Variants in FDX2 observed in about 807,000 individuals in gnomAD.
FDX2 encodes ferredoxin 2, also known as ferredoxin-2, mitochondrial.
FDX2 carries 13 observed loss-of-function variants against 18.5 expected under a neutral mutation model. The ratio of observed to expected loss-of-function variants is 0.70; its 90% confidence interval spans 0.46 to 1.12. The LOEUF is 1.12. Ranked by LOEUF, FDX2 falls within the 50% of genes most tolerant of loss-of-function variation. The probability of loss-of-function intolerance (pLI) is 0.00; values close to 1 mark genes in which losing one functional copy is unlikely to be tolerated. For missense variants in FDX2, 238 were observed against 250.4 expected, an observed-to-expected ratio of 0.95 and a Z score of 0.34; for synonymous variants, 132 against 106.2, an observed-to-expected ratio of 1.24 and a Z score of -1.49.
At chr19:10,315,362 T>G (rs1343812482) in intron 3 of FDX2, 24 bp downstream of exon 3, 1 of 1,410,436 alleles carries the variant, frequency 7.1e-7, no homozygotes, top group Non-Finnish European at 9.9e-7. Flanking sequence ...AGGACCTCCT[T>G]AATTCCCTCT....
intron 3 of FDX2, among the ~76,000 whole-genome samples, chr19:10,313,589 C>T (rs2040344770): frequency 7.1e-6 from 1 of 140,232 alleles, no homozygotes; most frequent in Admixed American, 7.3e-5. Flanking sequence ...GAATAACAGT[C>T]TCTACTACTC....
chr19:10,311,656 T>C (rs1364715476), intron 3 of FDX2, among the ~76,000 whole-genome samples: 1 of 150,962 alleles, frequency 6.6e-6, no homozygotes, highest in East Asian at 1.9e-4. Context: ...CGCCTCAGCT[T>C]CCCAAAGTGC....
intron 3 of FDX2, among the ~76,000 whole-genome samples, chr19:10,312,958 G>A (rs1363153961): frequency 6.6e-6 from 1 of 152,064 alleles, no homozygotes; most frequent in South Asian, 2.1e-4. Flanking sequence ...CCAACATGGC[G>A]AAACCCCATC....
intron 3 of FDX2, among the ~76,000 whole-genome samples, chr19:10,314,720 T>G (rs1241381129): frequency 6.6e-6 from 1 of 152,212 alleles, no homozygotes; most frequent in Admixed American, 6.5e-5. Flanking sequence ...AGAGCCAGAA[T>G]GTTTGCTGGG....
intron 2 of FDX2, 63 bp downstream of exon 2, chr19:10,315,642 C>G: frequency 1.3e-6 from 2 of 1,535,248 alleles, no homozygotes; most frequent in Non-Finnish European, 1.8e-6. Flanking sequence ...AGCTACAGGG[C>G]AAGATGGGGA....
chr19:10,313,673 T>G (rs12975621), intron 3 of FDX2, among the ~76,000 whole-genome samples: 2 of 17,820 alleles, frequency 1.1e-4, no homozygotes, highest in Non-Finnish European at 1.9e-4. Flanking sequence ...ATATATATAT[T>G]TTTTTTTTTT....
At chr19:10,311,663 G>C (rs994922109) in intron 3 of FDX2, among the ~76,000 whole-genome samples, 1 of 150,338 alleles carries the variant, frequency 6.7e-6, no homozygotes, top group Non-Finnish European at 1.5e-5. Context: ...GCTTCCCAAA[G>C]TGCTGGGATT....
chr19:10,311,220 T>C (rs997229228), intron 3 of FDX2, among the ~76,000 whole-genome samples: 2 of 152,052 alleles, frequency 1.3e-5, no homozygotes. Flanking sequence ...GAGCAGGGAC[T>C]TGGCTGCCAG....
At chr19:10,312,647 C>T (rs981603795) in intron 3 of FDX2, among the ~76,000 whole-genome samples, 1 of 152,140 alleles carries the variant, frequency 6.6e-6, no homozygotes, top group Non-Finnish European at 1.5e-5. Context: ...ATTCTCCTGC[C>T]TCCGCCTCCC....
intron 3 of FDX2, among the ~76,000 whole-genome samples, chr19:10,313,669 AT>A (rs2040347569): frequency 2.3e-5 from 1 of 43,206 alleles, no homozygotes; most frequent in Non-Finnish European, 3.9e-5. Context: ...ATATATATAT[AT>A]ATTTTTTTTT....
At chr19:10,315,024 C>G (rs1171947114) in intron 3 of FDX2, among the ~76,000 whole-genome samples, 1 of 152,104 alleles carries the variant, frequency 6.6e-6, no homozygotes, top group African/African-American at 2.4e-5. Flanking sequence ...ACGCTTGAAC[C>G]CGGGAGGTGG....
At position 10,310,628 on chromosome 19, in the gene FDX2, A is replaced by G; in HGVS notation, c.419T>C (p.Leu140Pro). The change falls in exon 5 of 5, where the codon CTA (leucine) becomes CCA (proline). Residue 140 changes from leucine (L) to proline (P), a missense_variant. Leu to Pro is a moderately conservative substitution (Grantham distance 98). Transcript: ENST00000393708. ...CTCCTGGAGGAGGGGGGCCATGTCT[A>G]GCATGTCGTCTTCCCTAGGGTGGTG... is the stretch of plus-strand genomic sequence containing the variant. The G allele has an allele frequency of 6.3e-7, 1 of 1,591,662 alleles. No homozygotes were observed. Among genetic ancestry groups the G allele is most frequent in the Non-Finnish European group, 8.6e-7 (1 of 1,166,718 alleles).
intron 3 of FDX2, 51 bp from the exon 4 acceptor site, chr19:10,310,991 GGCT>G: frequency 2.2e-6 from 3 of 1,392,192 alleles, no homozygotes; most frequent in Non-Finnish European, 3.0e-6. Flanking sequence ...GTCAGGAAGG[GGCT>G]GCTATGCGAA....
At chr19:10,312,770 C>A in intron 3 of FDX2, among the ~76,000 whole-genome samples, 1 of 152,126 alleles carries the variant, frequency 6.6e-6, no homozygotes, top group East Asian at 2.0e-4. Flanking sequence ...ATCTCCTGAC[C>A]TCGTGATCCG....
intron 3 of FDX2, among the ~76,000 whole-genome samples, chr19:10,314,721 G>A (rs888430625): frequency 6.6e-6 from 1 of 152,232 alleles, no homozygotes; most frequent in African/African-American, 2.4e-5. Flanking sequence ...GAGCCAGAAT[G>A]TTTGCTGGGA....
chr19:10,311,793 C>T (rs1054886444), intron 3 of FDX2, among the ~76,000 whole-genome samples: 27 of 148,948 alleles, frequency 1.8e-4, no homozygotes, highest in African/African-American at 4.7e-4. Flanking sequence ...CTCAACCTCC[C>T]GGCTCAAGCG....
At position 10,315,323 on chromosome 19, in the gene FDX2, T is replaced by TTTTG. The variant is rs1229100856; in HGVS notation, c.316+62_316+63insCAAA. ...AGAGACACACCTAATTTGTGGGTTT[T>TTTTG]TTTTTTTTTTTTTTTGGACAAATGT... On this transcript the variant is annotated intron_variant, in intron 3 of 4. Coordinates refer to ENST00000393708, the MANE Select transcript of FDX2 (RefSeq NM_001031734.4). The TTTTG allele has an allele frequency of 8.2e-5, 76 of 925,258 alleles. 3 individuals carry two copies. The highest frequency in any genetic ancestry group is 5.2e-5 in the Non-Finnish European group (34 of 657,652). 57.3% of individuals were successfully genotyped at this position (925,258 alleles called of 1,614,324 possible).
chr19:10,312,405 G>C (rs939438118), intron 3 of FDX2, among the ~76,000 whole-genome samples: 2 of 152,044 alleles, frequency 1.3e-5, no homozygotes, highest in Admixed American at 6.6e-5. Flanking sequence ...CACAGAGACC[G>C]GTGCTTGGGG....
chr19:10,310,901 A>G lies in FDX2; in HGVS notation c.356T>C (p.Val119Ala). The G allele has an allele frequency of 6.2e-7, 1 of 1,613,734 alleles. No individual in the cohort carries two copies. Among genetic ancestry groups the G allele is most frequent in the East Asian group, 2.2e-5 (1 of 44,872 alleles). The change falls in exon 4 of 5, where the codon GTG becomes GCG. Residue 119 changes from valine to alanine, a missense_variant. Coordinates refer to ENST00000393708, the MANE Select transcript of FDX2 (RefSeq NM_001031734.4). ...ATCCAGGTGGTCTTCACTCACATAC[A>G]CATGGCAGGTGGAGCAGGCCAGGGA...
Sources: gnomAD v4.1 joint callset for allele counts (sites outside exome capture counted in the v4.1 genomes callset) on GRCh38, gnomAD v4.1.1 for gene constraint, MANE v1.5 for transcripts, NCBI Gene and HGNC (gene_info 2026-07-23, HGNC 2026-07-21) for gene names.